The following GPC5 variants were observed in gnomAD, a reference collection of about 807,000 sequenced individuals.
GPC5 encodes the protein glypican-5.
GPC5 carries 47 observed loss-of-function variants against 53.9 expected under a neutral mutation model. The observed-to-expected ratio is 0.87, with a 90% CI of 0.69 to 1.11. GPC5 has a LOEUF of 1.11. GPC5 is among the 50% of genes most tolerant of loss of function. GPC5 has a pLI of 0.00. For missense variants in GPC5, 748 were observed against 713.1 expected (o/e 1.05, Z -0.56); for synonymous variants, 286 against 263.3 (o/e 1.09, Z -0.84).
chr13:92,696,853 C>A (rs1420104173), intron 7 of GPC5, among the ~76,000 whole-genome samples: 1 of 152,114 alleles, frequency 6.6e-6, no homozygotes, highest in African/African-American at 2.4e-5. Flanking sequence ...AGTCTTCAAT[C>A]CATCTTGAGT....
rs150566816 is a variant in GPC5, at chr13:91,709,378, C to G, written c.1020+15497C>G. ...ATTCTGGCCTTTACCACCACTTTAC[C>G]TTTGTCTGGCACCACTCGTAATACT... On this transcript the variant is annotated intron_variant, in intron 3 of 7. Transcript: ENST00000377067. 8.7e-3 allele frequency among the ~76,000 whole-genome samples: 1,318 copies of G among 152,188 alleles called. 12 individuals carry two copies. The highest frequency in any genetic ancestry group is 0.013 in the Non-Finnish European group (914 of 68,000).
intron 7 of GPC5, among the ~76,000 whole-genome samples, chr13:92,371,718 A>G (rs1026890506): frequency 6.6e-6 from 1 of 152,206 alleles, no homozygotes; most frequent in Admixed American, 6.5e-5. Flanking sequence ...GAACTCACTC[A>G]CTATCACGAG....
At chr13:92,619,155 A>C (rs1257242009) in intron 7 of GPC5, among the ~76,000 whole-genome samples, 1 of 151,976 alleles carries the variant, frequency 6.6e-6, no homozygotes, top group Non-Finnish European at 1.5e-5. Context: ...CCATATCAAT[A>C]AACACATTAT....
intron 1 of GPC5, among the ~76,000 whole-genome samples, chr13:91,428,356 T>C (rs771672600): frequency 6.6e-6 from 1 of 152,174 alleles, no homozygotes; most frequent in Non-Finnish European, 1.5e-5. Flanking sequence ...GGGGTATTTA[T>C]GGTTTTAGAA....
intron 7 of GPC5, among the ~76,000 whole-genome samples, chr13:92,292,200 C>T (rs182970343): frequency 6.6e-6 from 1 of 152,266 alleles, no homozygotes. Context: ...AGTAGATACC[C>T]AGTAGTGGGA....
intron 1 of GPC5, among the ~76,000 whole-genome samples, chr13:91,399,883 G>A (rs1446727968): frequency 6.6e-6 from 1 of 152,134 alleles, no homozygotes; most frequent in Non-Finnish European, 1.5e-5. Flanking sequence ...CGAACGTACT[G>A]GGGAGTCACT....
chr13:91,674,422 CATATATATACACAT>C (rs550763326), intron 2 of GPC5, among the ~76,000 whole-genome samples: 1 of 147,362 alleles, frequency 6.8e-6, no homozygotes. Context: ...TACACACACA[CATATATATACACAT>C]ATATATATAC....
At chr13:92,691,415 TGCTTCG>T (rs1260810676) in intron 7 of GPC5, among the ~76,000 whole-genome samples, 1 of 146,006 alleles carries the variant, frequency 6.8e-6, no homozygotes, top group Non-Finnish European at 1.5e-5. Flanking sequence ...TGCCTCGCCC[TGCTTCG>T]GCTCGCGCAC....
At chr13:91,823,464 T>C (rs2038527621) in intron 5 of GPC5, among the ~76,000 whole-genome samples, 1 of 152,094 alleles carries the variant, frequency 6.6e-6, no homozygotes, top group Non-Finnish European at 1.5e-5. Context: ...CCAAAGAGTA[T>C]GTGAAAGTAA....
intron 7 of GPC5, among the ~76,000 whole-genome samples, chr13:92,821,263 T>C (rs929145816): frequency 3.3e-5 from 5 of 152,218 alleles, no homozygotes; most frequent in Non-Finnish European, 7.3e-5. Context: ...TTAGCATTTG[T>C]TAAAGATTTC....
chr13:92,560,601 G>A (rs1274506988), intron 7 of GPC5, among the ~76,000 whole-genome samples: 1 of 151,888 alleles, frequency 6.6e-6, no homozygotes, highest in Non-Finnish European at 1.5e-5. Flanking sequence ...CATATACATT[G>A]GCAACATCAC....
At chr13:91,985,871 G>A (rs903325000) in intron 6 of GPC5, among the ~76,000 whole-genome samples, 4 of 151,966 alleles carry the variant, frequency 2.6e-5, no homozygotes, top group Non-Finnish European at 4.4e-5. Context: ...ATTGTGTTCT[G>A]AAAATTCTTA....
At chr13:91,473,206 C>G (rs1311726762) in intron 2 of GPC5, among the ~76,000 whole-genome samples, 1 of 152,054 alleles carries the variant, frequency 6.6e-6, no homozygotes, top group African/African-American at 2.4e-5. Context: ...ATGATCCTAT[C>G]ACATCCCTCC....
intron 7 of GPC5, among the ~76,000 whole-genome samples, chr13:92,251,798 T>G (rs1162577706): frequency 2.6e-5 from 4 of 152,106 alleles, no homozygotes; most frequent in Non-Finnish European, 4.4e-5. Flanking sequence ...CATAGCTTCT[T>G]AAGTGACCAT....
At chr13:92,458,185 C>T (rs1012193601) in intron 7 of GPC5, among the ~76,000 whole-genome samples, 1 of 152,024 alleles carries the variant, frequency 6.6e-6, no homozygotes, top group Non-Finnish European at 1.5e-5. Flanking sequence ...TGGTTTTCTA[C>T]ATGCCTAATT....
At chr13:91,467,099 C>A (rs1383249312) in intron 2 of GPC5, among the ~76,000 whole-genome samples, 2 of 152,126 alleles carry the variant, frequency 1.3e-5, no homozygotes, top group Non-Finnish European at 2.9e-5. Context: ...AGAGCTAGGA[C>A]TGGAAATTAT....
chr13:91,585,785 G>A (rs566620728), intron 2 of GPC5, among the ~76,000 whole-genome samples: 1 of 152,102 alleles, frequency 6.6e-6, no homozygotes, highest in Admixed American at 6.5e-5. Flanking sequence ...TGAGCTCTGT[G>A]TATTAACTTC....
chr13:91,461,654 T>G (rs1052417264), intron 2 of GPC5, among the ~76,000 whole-genome samples: 1 of 152,140 alleles, frequency 6.6e-6, no homozygotes, highest in Non-Finnish European at 1.5e-5. Flanking sequence ...TAGCTATTAT[T>G]TATTTATTTA....
chr13:92,135,539 G>A (rs1240014898), intron 6 of GPC5, among the ~76,000 whole-genome samples: 2 of 152,128 alleles, frequency 1.3e-5, no homozygotes, highest in African/African-American at 2.4e-5. Context: ...TTGAACCGGA[G>A]GTAAGGATCA....
Sources: gnomAD v4.1 joint callset for allele counts (sites outside exome capture counted in the v4.1 genomes callset) on GRCh38, gnomAD v4.1.1 for gene constraint, MANE v1.5 for transcripts, NCBI Gene and HGNC (gene_info 2026-07-23, HGNC 2026-07-21) for gene names.